ST6GAL1: variants seen among roughly 807,000 people sequenced by gnomAD.
ST6GAL1 encodes the protein beta-galactoside alpha-2,6-sialyltransferase 1.
Under a neutral mutation model 38.0 loss-of-function variants are expected in ST6GAL1, and 20 were observed. That is an observed-to-expected ratio of 0.53 (90% CI 0.37 to 0.77). ST6GAL1 has a LOEUF of 0.77. ST6GAL1 is among the 30% of genes least tolerant of loss of function. The pLI is 0.00. For synonymous variants in ST6GAL1, 196 were observed against 188.2 expected (o/e 1.04, Z -0.34); for missense variants, 432 against 496.4 (o/e 0.87, Z 1.23).
At chr3:186,932,904 A>G (rs1713810045) in intron 1 of ST6GAL1, among the ~76,000 whole-genome samples, 1 of 152,336 alleles carries the variant, frequency 6.6e-6, no homozygotes, top group African/African-American at 2.4e-5. Context: ...TCTCCTAGTT[A>G]CACTTGTTTC....
At chr3:187,020,758 G>A (rs1009440897) in intron 2 of ST6GAL1, among the ~76,000 whole-genome samples, 2 of 152,160 alleles carry the variant, frequency 1.3e-5, no homozygotes, top group African/African-American at 4.8e-5. Flanking sequence ...GTAGCTTAGA[G>A]AAAACACAAA....
intron 1 of ST6GAL1, among the ~76,000 whole-genome samples, chr3:186,950,614 T>C (rs1478981377): frequency 2.6e-5 from 4 of 152,236 alleles, no homozygotes; most frequent in Admixed American, 6.5e-5. Context: ...GCGGTTGTTA[T>C]CAAATTCAGA....
rs1223034856 is a variant in ST6GAL1, at chr3:187,076,007, A to G, written c.*204A>G. ...CTGTAGCCAGACAGTTTATGAGCCC[A>G]GAGCCTCCTGCCACACACATGCACA... is the stretch of plus-strand genomic sequence containing the variant. On this transcript the variant is annotated 3_prime_UTR_variant, in exon 8 of 8. Transcript: ENST00000169298. 1.4e-6 allele frequency: 1 copy of G among 689,762 alleles called. No homozygotes were observed. Among genetic ancestry groups the G allele is most frequent in the Non-Finnish European group, 2.3e-6 (1 of 425,654 alleles). The allele number at this position is 689,762 out of a possible 1,614,324, so 42.7% of individuals were successfully genotyped here. A position where few individuals can be genotyped will look rare whatever the true frequency, so the allele number is the denominator to read the frequency against.
At chr3:187,013,677 T>C (rs962457998) in intron 2 of ST6GAL1, among the ~76,000 whole-genome samples, 4 of 152,190 alleles carry the variant, frequency 2.6e-5, no homozygotes, top group African/African-American at 4.8e-5. Context: ...TTCCACCTCC[T>C]GGGTTCAAGC....
chr3:187,000,600 T>A (rs1417832648), intron 2 of ST6GAL1, among the ~76,000 whole-genome samples: 1 of 150,236 alleles, frequency 6.7e-6, no homozygotes, highest in African/African-American at 2.4e-5. Flanking sequence ...ACATTGTTTT[T>A]CATCTTTATA....
At chr3:186,973,877 G>T (rs1715435034) in intron 2 of ST6GAL1, among the ~76,000 whole-genome samples, 1 of 152,238 alleles carries the variant, frequency 6.6e-6, no homozygotes, top group Non-Finnish European at 1.5e-5. Context: ...CACCTACTGT[G>T]TGCTTGCCTC....
chr3:186,976,109 C>T lies in ST6GAL1; in HGVS notation c.-183+12183C>T, dbSNP rs1232416859. On this transcript the variant is annotated intron_variant, in intron 2 of 7. Transcript: ENST00000169298. ...AAGACCACAGATCAAACTCACCTCC[C>T]TGCATCCTACCACAGAGAACTCTGA... Among the ~76,000 whole-genome samples the T allele has an allele frequency of 2.0e-5, 3 of 152,220 alleles. No individual in the cohort carries two copies. In the East Asian group the frequency reaches 5.8e-4, roughly 29 times the overall value.
chr3:186,970,381 ATT>A lies in ST6GAL1; in HGVS notation c.-183+6469_-183+6470del, dbSNP rs34837598. On this transcript the variant is annotated intron_variant, in intron 2 of 7. Coordinates refer to ENST00000169298, the MANE Select transcript of ST6GAL1 (RefSeq NM_173216.2). ...AGGTGCCTGCCACCACGCCCGGCAAATTTTTTTTTTTTTTTGTATTTTTAGTG... is the reference window on the plus strand; with the variant it reads ...AGGTGCCTGCCACCACGCCCGGCAAATTTTTTTTTTTTTGTATTTTTAGTG... 1.6e-4 allele frequency among the ~76,000 whole-genome samples: 22 copies of A among 141,720 alleles called. 1 individual carries two copies. Among genetic ancestry groups the A allele is most frequent in the South Asian group, 4.6e-4 (2 of 4,386 alleles). The allele number at this position is 141,720 out of a possible 152,430, so 93.0% of individuals were successfully genotyped here.
chr3:187,012,053 G>A (rs1016163340), intron 2 of ST6GAL1, among the ~76,000 whole-genome samples: 3 of 152,062 alleles, frequency 2.0e-5, no homozygotes, highest in African/African-American at 7.2e-5. Flanking sequence ...CTTTCCCCAG[G>A]ACTCACATCT....
intron 2 of ST6GAL1, among the ~76,000 whole-genome samples, chr3:186,967,297 G>T (rs527478190): frequency 2.1e-4 from 32 of 152,252 alleles, no homozygotes; most frequent in Non-Finnish European, 2.9e-4. Flanking sequence ...GTTCAAGCGA[G>T]TCTCCTACTT....
chr3:186,995,531 A>G (rs537351222), intron 2 of ST6GAL1, among the ~76,000 whole-genome samples: 2 of 145,268 alleles, frequency 1.4e-5, no homozygotes, highest in Non-Finnish European at 3.0e-5. Context: ...ATAAAATAAA[A>G]AAAAAATAAA....
At position 187,075,852 on chromosome 3, in the gene ST6GAL1, T is replaced by A. The variant is rs757584438; in HGVS notation, c.*49T>A. On this transcript the variant is annotated 3_prime_UTR_variant, in exon 8 of 8. Transcript: ENST00000169298. This position sits in a 1 kb window ranked among gnomAD's most constrained non-coding sequence, Gnocchi z 4.1. ...ATCAGGCATTAAATGAATGGTCTCT[T>A]GGCCACCCCAGCCTGGGAAGAACAT... is the stretch of plus-strand genomic sequence containing the variant. 6.2e-7 allele frequency: 1 copy of A among 1,605,264 alleles called. No individual in the cohort carries two copies. Among genetic ancestry groups the A allele is most frequent in the East Asian group, 2.2e-5 (1 of 44,742 alleles).
rs142171363 is a variant in ST6GAL1 at position 186,952,486 on chromosome 3, ATTTTCTTTTC to A, written c.-324-11284_-324-11275del. On this transcript the variant is annotated intron_variant, in intron 1 of 7. Transcript: ENST00000169298. The surrounding 1 kb of genome is among the most constrained non-coding windows in gnomAD (Gnocchi z 4.1). The stretch of plus-strand genomic sequence containing the variant: ...CCTTCTCAGTTCCTTTTCTTGGCTC[ATTTTCTTTTC>A]TTTTCTTTTCTTTTTTTATTTTTAT... 7.9e-5 allele frequency among the ~76,000 whole-genome samples: 12 copies of A among 151,278 alleles called. No individual in the cohort carries two copies. The highest frequency in any genetic ancestry group is 2.1e-4 in the South Asian group (1 of 4,760).
At chr3:187,054,921 G>C (rs1030593467) in intron 5 of ST6GAL1, among the ~76,000 whole-genome samples, 1 of 152,142 alleles carries the variant, frequency 6.6e-6, no homozygotes, top group Non-Finnish European at 1.5e-5. Context: ...GAATCCGTCT[G>C]GTCCTGGACT....
chr3:187,030,004 A>T (rs968743546), intron 2 of ST6GAL1, among the ~76,000 whole-genome samples: 3 of 152,148 alleles, frequency 2.0e-5, no homozygotes, highest in African/African-American at 7.2e-5. Context: ...TATTGTTGGG[A>T]AATAACAAGA....
chr3:186,936,611 T>A (rs186466229), intron 1 of ST6GAL1, among the ~76,000 whole-genome samples: 2 of 152,310 alleles, frequency 1.3e-5, no homozygotes, highest in East Asian at 3.9e-4. Context: ...TCAGAATCAA[T>A]GTAGTGATTT....
intron 2 of ST6GAL1, among the ~76,000 whole-genome samples, chr3:186,998,413 G>A (rs1423144684): frequency 1.3e-5 from 2 of 152,160 alleles, no homozygotes; most frequent in African/African-American, 4.8e-5. Context: ...AGAATGTTAG[G>A]AAAATCATAA....
At chr3:186,948,901 G>A (rs1023827318) in intron 1 of ST6GAL1, 1 of 152,316 alleles carries the variant, frequency 6.6e-6, no homozygotes, top group African/African-American at 2.4e-5. Flanking sequence ...CTCATGGAAT[G>A]AGCTCAGCTC....
At chr3:187,016,542 C>A (rs1166941777) in intron 2 of ST6GAL1, among the ~76,000 whole-genome samples, 2 of 151,888 alleles carry the variant, frequency 1.3e-5, no homozygotes, top group African/African-American at 4.8e-5. Context: ...AAGAGTAATG[C>A]GGGAGGCAGT....
Sources: allele counts gnomAD v4.1 joint callset (sites outside exome capture counted in the v4.1 genomes callset), GRCh38; gene constraint gnomAD v4.1.1; non-coding constraint Gnocchi (gnomAD v3.1); transcripts MANE v1.5; gene names NCBI Gene and HGNC (gene_info 2026-07-23, HGNC 2026-07-21).